Variants in ST18 observed in about 807,000 individuals in gnomAD.
ST18 encodes ST18 C2H2C-type zinc finger transcription factor, also known as suppression of tumorigenicity 18 protein.
In ST18, 50 loss-of-function variants were observed where a neutral mutation model predicts 110.0. The ratio of observed to expected loss-of-function variants is 0.45; its 90% confidence interval spans 0.36 to 0.58. The LOEUF is 0.58. Ranked by LOEUF, ST18 falls within the 20% of genes least tolerant of loss-of-function variation. The pLI is 0.00. For synonymous variants in ST18, 461 were observed against 452.4 expected (o/e 1.02, Z -0.24); for missense variants, 1,306 against 1,280.1 (o/e 1.02, Z -0.31).
chr8:52,355,005 G>C (rs1336086257), intron 2 of ST18, among the ~76,000 whole-genome samples: 1 of 152,194 alleles, frequency 6.6e-6, no homozygotes, highest in Non-Finnish European at 1.5e-5. Context: ...ATGTTCAAAA[G>C]GAGACTTTTC....
At chr8:52,357,681 ATATAT>A (rs1564568014) in intron 2 of ST18, among the ~76,000 whole-genome samples, 9 of 19,026 alleles carry the variant, frequency 4.7e-4, no homozygotes, top group Admixed American at 2.0e-3. Flanking sequence ...CTATAAATAT[ATATAT>A]ATATATATAT....
At chr8:52,275,581 A>C (rs191126883) in intron 2 of ST18, among the ~76,000 whole-genome samples, 1 of 152,310 alleles carries the variant, frequency 6.6e-6, no homozygotes, top group East Asian at 1.9e-4. Flanking sequence ...TCCTCTAACT[A>C]AAAAGTTGGA....
chr8:52,149,233 C>T (rs1187052584), intron 16 of ST18, among the ~76,000 whole-genome samples: 3 of 152,238 alleles, frequency 2.0e-5, no homozygotes, highest in Non-Finnish European at 4.4e-5. Flanking sequence ...TCAATTTAGA[C>T]ATCCAACATT....
intron 8 of ST18, among the ~76,000 whole-genome samples, chr8:52,205,194 A>T (rs1195843421): frequency 1.3e-5 from 2 of 149,984 alleles, no homozygotes; most frequent in Non-Finnish European, 3.0e-5. Context: ...ATAATAATAT[A>T]TATATTTTAT....
At chr8:52,309,710 CA>C (rs1453982002) in intron 2 of ST18, among the ~76,000 whole-genome samples, 1 of 151,686 alleles carries the variant, frequency 6.6e-6, no homozygotes, top group Non-Finnish European at 1.5e-5. Context: ...ACCCAAATAG[CA>C]AACATGTAGG....
chr8:52,311,234 G>C (rs1394287961), intron 2 of ST18, among the ~76,000 whole-genome samples: 1 of 152,194 alleles, frequency 6.6e-6, no homozygotes, highest in East Asian at 1.9e-4. Flanking sequence ...CAGCAGTGAG[G>C]ACCAGGCTGA....
intron 17 of ST18, among the ~76,000 whole-genome samples, 182 bp downstream of exon 17, chr8:52,142,746 TTC>T (rs1261153939): frequency 2.0e-5 from 3 of 152,344 alleles, no homozygotes; most frequent in South Asian, 2.1e-4. Context: ...AGGCTTTTAA[TTC>T]TGTTAGCATA....
intron 2 of ST18, among the ~76,000 whole-genome samples, chr8:52,398,994 A>G (rs368417541): frequency 1.3e-5 from 2 of 152,158 alleles, no homozygotes; most frequent in East Asian, 3.9e-4. Context: ...TATTTTTGGA[A>G]GAATAGAAGA....
At chr8:52,164,877 A>G (rs1587472433) in intron 12 of ST18, among the ~76,000 whole-genome samples, 2 of 152,270 alleles carry the variant, frequency 1.3e-5, no homozygotes, top group South Asian at 4.1e-4. Flanking sequence ...TGAATAGGTA[A>G]CCACAGCAAC....
At chr8:52,337,097 C>T (rs1278356419) in intron 2 of ST18, among the ~76,000 whole-genome samples, 2 of 152,136 alleles carry the variant, frequency 1.3e-5, no homozygotes, top group Non-Finnish European at 2.9e-5. Flanking sequence ...ATGCAGAAAA[C>T]ATTTTCAGAA....
At chr8:52,152,696 A>G (rs2059122589) in intron 15 of ST18, among the ~76,000 whole-genome samples, 2 of 152,250 alleles carry the variant, frequency 1.3e-5, no homozygotes, top group Admixed American at 1.3e-4. Flanking sequence ...TTTTTTATGC[A>G]TATAGATTTT....
chr8:52,288,933 C>T (rs963076562), intron 2 of ST18, among the ~76,000 whole-genome samples: 1 of 152,070 alleles, frequency 6.6e-6, no homozygotes, highest in East Asian at 1.9e-4. Context: ...ACTAGCTCTG[C>T]CTCCTTGGGC....
At chr8:52,255,815 A>ATG (rs2094508485) in intron 2 of ST18, among the ~76,000 whole-genome samples, 1 of 152,216 alleles carries the variant, frequency 6.6e-6, no homozygotes, top group African/African-American at 2.4e-5. Flanking sequence ...TAAATCTCAG[A>ATG]CACTGTTCAA....
intron 2 of ST18, among the ~76,000 whole-genome samples, chr8:52,383,391 G>A (rs764168771): frequency 1.6e-4 from 24 of 152,238 alleles, no homozygotes; most frequent in African/African-American, 5.1e-4. Flanking sequence ...CTGAAAAACC[G>A]TGGGTGGTAG....
chr8:52,230,481 G>A (rs1231415705), intron 2 of ST18, among the ~76,000 whole-genome samples: 9 of 151,420 alleles, frequency 5.9e-5, no homozygotes, highest in Non-Finnish European at 1.2e-4. Flanking sequence ...GGAACAGCCC[G>A]CACGGCAGCT....
At chr8:52,234,765 G>GTA (rs1254589422) in intron 2 of ST18, among the ~76,000 whole-genome samples, 6 of 149,310 alleles carry the variant, frequency 4.0e-5, no homozygotes, top group Admixed American at 3.4e-4. Context: ...GTGTGTGTGT[G>GTA]ACAGAATACT....
chr8:52,333,735 A>C (rs1810715324), intron 2 of ST18, among the ~76,000 whole-genome samples: 1 of 152,260 alleles, frequency 6.6e-6, no homozygotes, highest in Non-Finnish European at 1.5e-5. Flanking sequence ...TTTCATTAAA[A>C]ACTATTGTGT....
intron 17 of ST18, among the ~76,000 whole-genome samples, chr8:52,140,469 A>G (rs889896476): frequency 1.1e-4 from 17 of 152,066 alleles, no homozygotes; most frequent in Non-Finnish European, 2.4e-4. Flanking sequence ...GCTTGCAGTG[A>G]GCCGAGAACG....
At chr8:52,343,331 G>A (rs80107769) in intron 2 of ST18, among the ~76,000 whole-genome samples, 1,813 of 152,186 alleles carry the variant, frequency 0.012, 45 homozygotes, top group African/African-American at 0.042. Context: ...TCCCAGATGC[G>A]CAGTTCAAGT....
Sources: allele counts gnomAD v4.1 joint callset (sites outside exome capture counted in the v4.1 genomes callset), GRCh38; gene constraint gnomAD v4.1.1; transcripts MANE v1.5; gene names NCBI Gene and HGNC (gene_info 2026-07-23, HGNC 2026-07-21).